The following GATA3 variants were observed in gnomAD, a reference collection of about 807,000 sequenced individuals.
GATA3 encodes trans-acting T-cell-specific transcription factor GATA-3.
Under a neutral mutation model 36.0 loss-of-function variants are expected in GATA3, and 6 were observed. The ratio of observed to expected loss-of-function variants is 0.17; its 90% CI spans 0.09 to 0.33. The LOEUF (loss-of-function observed/expected upper bound fraction) is 0.33, where lower values mean the gene tolerates loss of function less well. Among genes scored for constraint, GATA3 ranks in the 10% least tolerant of loss-of-function variants. The pLI is 1.00. For synonymous variants in GATA3, 326 were observed against 273.0 expected (o/e 1.19, Z -1.92); for missense variants, 514 against 610.1 (o/e 0.84, Z 1.66).
chr10:8,058,210 G>T, intron 2 of GATA3, 95 bp from the exon 3 acceptor site: 4 of 1,386,002 alleles, frequency 2.9e-6, no homozygotes, highest in Non-Finnish European at 4.1e-6. Context: ...AAAGGAGGCC[G>T]ATGCGAGGTA....
intron 2 of GATA3, among the ~76,000 whole-genome samples, chr10:8,057,402 G>A (rs910871474): frequency 6.6e-6 from 1 of 152,198 alleles, no homozygotes; most frequent in African/African-American, 2.4e-5. Context: ...CAGACTCTGT[G>A]TCTGAGTCAT....
rs1588391974 is a variant in GATA3 at position 8,074,315 on chromosome 10, T to G, written c.*292T>G. 1 of 434,364 alleles carries G rather than the reference T, an allele frequency of 2.3e-6. No individual in the cohort carries two copies. The highest frequency in any genetic ancestry group is 4.1e-6 in the Non-Finnish European group (1 of 243,424). The allele number at this position is 434,364 out of a possible 1,614,324, so 26.9% of individuals were successfully genotyped here. ...GCTGAACATTGCATATAACTTATAT[T>G]GTAAGAAATACTGTACAATGACTTT... is the stretch of plus-strand genomic sequence containing the variant. On this transcript the variant is annotated 3_prime_UTR_variant, in exon 6 of 6. Transcript: ENST00000379328.
upstream of GATA3, chr10:8,050,448 C>A: frequency 6.6e-6 from 1 of 152,642 alleles, no homozygotes; most frequent in Non-Finnish European, 1.5e-5. Context: ...ACAGCGACAG[C>A]GGCCGCTTCA....
rs751528200 is a variant in GATA3, at chr10:8,064,117, C to T, written c.903C>T (p.Leu301=). 6.2e-7 allele frequency: 1 copy of T among 1,614,110 alleles called. No homozygotes were observed. Among genetic ancestry groups the T allele is most frequent in the Non-Finnish European group, 8.5e-7 (1 of 1,180,026 alleles). The change falls in exon 4 of 6, where the codon CTC becomes CTT. Residue 301 remains leucine, a synonymous_variant. Coordinates refer to ENST00000379328, the MANE Select transcript of GATA3 (RefSeq NM_001002295.2). ...AAATGAACGGACAGAACCGGCCCCT[C>T]ATTAAGCCCAAGCGAAGGCTGGTAA... The part of the protein sequence containing the change: ...YHKMNGQNRP[L]IKPKRRLSAA...
At chr10:8,047,913 T>A (rs1016505217) in intron 1 of GATA3, among the ~76,000 whole-genome samples, 1 of 151,576 alleles carries the variant, frequency 6.6e-6, no homozygotes, top group African/African-American at 2.4e-5. Context: ...AAACATGGAT[T>A]TTTTTTTTCA....
At chr10:8,050,453 G>T (rs559052960), upstream of GATA3, 389 of 152,650 alleles carry the variant, frequency 2.5e-3, no homozygotes, top group Non-Finnish European at 4.7e-3. Flanking sequence ...GACAGCGGCC[G>T]CTTCACACCG....
At chr10:8,070,851 C>A (rs1379418382) in intron 5 of GATA3, among the ~76,000 whole-genome samples, 1 of 152,166 alleles carries the variant, frequency 6.6e-6, no homozygotes, top group African/African-American at 2.4e-5. Context: ...TTACTACGAT[C>A]CCTTATTCTC....
At chr10:8,069,800 A>G (rs1226225626) in intron 5 of GATA3, among the ~76,000 whole-genome samples, 1 of 152,166 alleles carries the variant, frequency 6.6e-6, no homozygotes, top group African/African-American at 2.4e-5. Context: ...ACAGCCTGGC[A>G]GCCACACAAC....
rs993985087 is a variant in GATA3 at position 8,058,756 on chromosome 10, C to T, written c.693C>T (p.Ser231=). Residue 231 remains serine, a synonymous_variant, in exon 3 of 6, where the codon TCC becomes TCT. Transcript: ENST00000379328. ...CGCCCTACGTGCCCGAGTACAGCTCCGGACTCTTCCCCCCCAGCAGCCTGC... is the reference window on the plus strand; with the variant it reads ...CGCCCTACGTGCCCGAGTACAGCTCTGGACTCTTCCCCCCCAGCAGCCTGC... ...TYPPYVPEYS[S]GLFPPSSLLG... is the part of the protein sequence containing the mutation. 9.9e-6 allele frequency: 16 copies of T among 1,611,412 alleles called. No homozygotes were observed. In the East Asian group the frequency reaches 2.0e-4, roughly 20 times the overall value.
At chr10:8,048,369 A>C (rs1457369188) in intron 1 of GATA3, among the ~76,000 whole-genome samples, 2 of 152,168 alleles carry the variant, frequency 1.3e-5, no homozygotes, top group Non-Finnish European at 2.9e-5. Context: ...CAAGCCTTGA[A>C]ATGGGTGAAT....
intron 4 of GATA3, 109 bp downstream of exon 4, chr10:8,064,247 C>T: frequency 1.6e-6 from 2 of 1,282,052 alleles, no homozygotes; most frequent in Non-Finnish European, 2.2e-6. Flanking sequence ...AGCCTCCAAT[C>T]GTGTCAGCTG....
chr10:8,070,359 T>TA (rs1233578557), intron 5 of GATA3, among the ~76,000 whole-genome samples: 1 of 151,806 alleles, frequency 6.6e-6, no homozygotes, highest in African/African-American at 2.4e-5. Context: ...TAACATATCT[T>TA]AATCTTAAAA....
At chr10:8,069,732 G>A in intron 5 of GATA3, 134 bp downstream of exon 5, 1 of 1,121,344 alleles carries the variant, frequency 8.9e-7, no homozygotes. Context: ...TGATGCAATA[G>A]GACCTAGCTT....
chr10:8,054,426 C>T (rs1351100633), upstream of GATA3, among the ~76,000 whole-genome samples: 1 of 152,174 alleles, frequency 6.6e-6, no homozygotes, highest in African/African-American at 2.4e-5. This position sits in a 1 kb window ranked among gnomAD's most constrained non-coding sequence, Gnocchi z 4.2. Flanking sequence ...TCCCGTCCGC[C>T]CCCAAGCCCC....
chr10:8,070,366 A>T (rs1204099653), intron 5 of GATA3, among the ~76,000 whole-genome samples: 1 of 149,624 alleles, frequency 6.7e-6, no homozygotes, highest in Non-Finnish European at 1.5e-5. Context: ...TCTTAATCTT[A>T]AAAAATTTTT....
intron 3 of GATA3, among the ~76,000 whole-genome samples, chr10:8,062,355 A>T (rs1269630147): frequency 1.5e-5 from 2 of 132,494 alleles, no homozygotes; most frequent in Non-Finnish European, 3.2e-5. Flanking sequence ...CCTCTCTTAC[A>T]TCCTCATTTT....
intron 5 of GATA3, among the ~76,000 whole-genome samples, chr10:8,071,414 T>C (rs989030412): frequency 2.0e-5 from 3 of 152,218 alleles, no homozygotes; most frequent in African/African-American, 7.2e-5. Context: ...GTATAGGAAT[T>C]ATAGGAGATT....
chr10:8,071,137 C>T (rs2131514809), intron 5 of GATA3, among the ~76,000 whole-genome samples: 3 of 152,276 alleles, frequency 2.0e-5, no homozygotes. Context: ...GAGATAGTCC[C>T]ATGATGTAGA....
rs1315616378 is a variant in GATA3 at position 8,064,308 on chromosome 10, C to CT, written c.924+172dup. Among the ~76,000 whole-genome samples the CT allele has an allele frequency of 3.9e-3, 449 of 114,106 alleles. 4 individuals carry two copies. Among genetic ancestry groups the CT allele is most frequent in the East Asian group, 8.4e-3 (33 of 3,936 alleles). The allele number at this position is 114,106 out of a possible 152,430, so 74.9% of individuals were successfully genotyped here. On this transcript the variant is annotated intron_variant, in intron 4 of 5. Transcript: ENST00000379328. ...CTTTTTCTTTCTTTCTTTTCTTCTT[C>CT]TTCTTTTTTTTTTTTTTTTTCAAAT...
Sources: gnomAD v4.1 joint callset for allele counts (sites outside exome capture counted in the v4.1 genomes callset) on GRCh38, gnomAD v4.1.1 for gene constraint, Gnocchi (gnomAD v3.1) non-coding constraint, MANE v1.5 for transcripts, NCBI Gene and HGNC (gene_info 2026-07-23, HGNC 2026-07-21) for gene names.